IFT80: variants seen among roughly 807,000 people sequenced by gnomAD.
The protein encoded by IFT80 is intraflagellar transport protein 80 homolog.
Under a neutral mutation model 107.9 loss-of-function variants are expected in IFT80, and 79 were observed. That is an observed-to-expected ratio of 0.73 (90% CI 0.61 to 0.88). The LOEUF is 0.88. IFT80 is among the 40% of genes least tolerant of loss of function. The probability of loss-of-function intolerance (pLI) is 0.00; values close to 1 mark genes in which losing one functional copy is unlikely to be tolerated. For missense variants in IFT80, 797 were observed against 914.2 expected (o/e 0.87, Z 1.65); for synonymous variants, 299 against 300.9 (o/e 0.99, Z 0.07).
chr3:160,279,166 C>T (rs753630151), intron 16 of IFT80, 27 bp downstream of exon 16: 3 of 1,587,050 alleles, frequency 1.9e-6, no homozygotes, highest in African/African-American at 2.7e-5. Flanking sequence ...AATATATATA[C>T]AACTATGAAT....
intron 8 of IFT80, among the ~76,000 whole-genome samples, chr3:160,331,636 A>G (rs1398117450): frequency 6.6e-6 from 1 of 151,104 alleles, no homozygotes; most frequent in Non-Finnish European, 1.5e-5. Flanking sequence ...TAAGATCTTT[A>G]TGTTCTCTTT....
At chr3:160,302,175 A>G (rs1174582372) in intron 11 of IFT80, among the ~76,000 whole-genome samples, 1 of 152,048 alleles carries the variant, frequency 6.6e-6, no homozygotes, top group Admixed American at 6.6e-5. Flanking sequence ...TCCTTGATTC[A>G]GAACTGGTTC....
intron 2 of IFT80, chr3:160,383,864 C>T (rs952207644): frequency 1.0e-6 from 1 of 985,382 alleles, no homozygotes; most frequent in Non-Finnish European, 1.2e-6. Context: ...ACTTGTCCTT[C>T]ACTTTATCAT....
intron 8 of IFT80, among the ~76,000 whole-genome samples, chr3:160,346,732 C>A (rs1489430039): frequency 1.3e-5 from 2 of 151,262 alleles, no homozygotes; most frequent in African/African-American, 2.4e-5. Context: ...CCAGACAGAG[C>A]CAAAAAGAAA....
chr3:160,361,653 G>T (rs1489232321), intron 6 of IFT80, among the ~76,000 whole-genome samples: 1 of 152,132 alleles, frequency 6.6e-6, no homozygotes, highest in Non-Finnish European at 1.5e-5. Context: ...AAATGTAAAA[G>T]AACAGAAATC....
At chr3:160,380,534 C>G (rs1712397700) in intron 3 of IFT80, among the ~76,000 whole-genome samples, 1 of 152,124 alleles carries the variant, frequency 6.6e-6, no homozygotes, top group Non-Finnish European at 1.5e-5. Flanking sequence ...GCTTGATCTA[C>G]CCCTACAGCT....
chr3:160,357,202 T>C (rs532110583), intron 7 of IFT80, among the ~76,000 whole-genome samples: 41 of 152,248 alleles, frequency 2.7e-4, no homozygotes, highest in South Asian at 6.2e-4. Context: ...TGTGCTCAAG[T>C]GATCCACTCA....
In IFT80 at chr3:160,277,332, G is replaced by T. The variant is rs1441275758; in HGVS notation, c.2073C>A (p.Ile691=). ...QAGLVYQAIQ[I]NINLYNWERA... ...TTTCCCAGTTGTAGAGATTAATATT[G>T]ATCTGGATTGCTTGATAAACAAGGC... The change falls in exon 18 of 20, where the codon ATC becomes ATA. Residue 691 remains isoleucine, a synonymous_variant. Coordinates refer to ENST00000326448, the MANE Select transcript of IFT80 (RefSeq NM_020800.3). 6.2e-6 allele frequency: 10 copies of T among 1,612,938 alleles called. No homozygotes were observed. Among genetic ancestry groups the T allele is most frequent in the Non-Finnish European group, 8.5e-6 (10 of 1,179,790 alleles).
intron 11 of IFT80, among the ~76,000 whole-genome samples, chr3:160,303,690 G>A (rs192434869): frequency 3.3e-5 from 5 of 152,198 alleles, no homozygotes; most frequent in African/African-American, 1.2e-4. Context: ...ATATAACCCT[G>A]AATAATTTTC....
chr3:160,319,732 T>C (rs762907487), intron 9 of IFT80, 28 bp downstream of exon 9: 10 of 1,589,112 alleles, frequency 6.3e-6, no homozygotes, highest in Non-Finnish European at 8.6e-6. Flanking sequence ...AAGAAGCAGG[T>C]TTAATCAACC....
At chr3:160,322,006 ATTT>A (rs1718262158) in intron 8 of IFT80, among the ~76,000 whole-genome samples, 1 of 66,664 alleles carries the variant, frequency 1.5e-5, no homozygotes. Context: ...TCAGCTTGTT[ATTT>A]ATTTATTTAT....
intron 8 of IFT80, among the ~76,000 whole-genome samples, chr3:160,341,016 C>CT (rs11373101): frequency 0.52 from 78,027 of 149,460 alleles, 20,571 homozygotes; most frequent in African/African-American, 0.56. Context: ...TTTTTACTAC[C>CT]TTTTTTTTTT....
In IFT80 at chr3:160,384,243, C is replaced by CT. The variant is rs1553766976; in HGVS notation, c.37+320dup. On this transcript the variant is annotated intron_variant, in intron 2 of 19. Transcript: ENST00000326448. The stretch of plus-strand genomic sequence containing the variant: ...CCTGGGTGACAGAGTGAGACTCTGT[C>CT]TCAAAAAAAAAAAAAAAAAGCTTCT... 75 of 242,760 alleles carry CT rather than the reference C, an allele frequency of 3.1e-4. No individual in the cohort carries two copies. The East Asian group carries it at 0.014, about 46-fold the overall frequency. The allele number at this position is 242,760 out of a possible 1,614,324, so 15.0% of individuals were successfully genotyped here.
chr3:160,317,062 A>C (rs950370258), intron 9 of IFT80, among the ~76,000 whole-genome samples: 12 of 152,264 alleles, frequency 7.9e-5, no homozygotes, highest in African/African-American at 2.2e-4. Flanking sequence ...TTTATGAAAA[A>C]AACATTTTCA....
chr3:160,300,022 ACC>A (rs1716296354), intron 12 of IFT80, among the ~76,000 whole-genome samples: 1 of 151,828 alleles, frequency 6.6e-6, no homozygotes, highest in African/African-American at 2.4e-5. Flanking sequence ...GCTCATTTTG[ACC>A]CAGTCACATG....
rs189208409 is a variant in IFT80, at chr3:160,297,120, A to C, written c.1315+3763T>G. Among the ~76,000 whole-genome samples the C allele has an allele frequency of 1.2e-4, 19 of 152,280 alleles. No individual in the cohort carries two copies. In the East Asian group the frequency reaches 3.7e-3, roughly 29 times the overall value. On this transcript the variant is annotated intron_variant, in intron 12 of 19. Transcript: ENST00000326448. ...AAGTAGGTGAAGTTGTAAAAATTGC[A>C]GGAGATATTCTATTGAAGAAGCCTG...
intron 2 of IFT80, 106 bp downstream of exon 2, chr3:160,384,458 A>T: frequency 1.4e-6 from 2 of 1,382,860 alleles, no homozygotes; most frequent in Non-Finnish European, 1.9e-6. Flanking sequence ...CCACTAAAGG[A>T]ATGAAAAAAA....
chr3:160,348,308 C>T (rs1363671493), intron 8 of IFT80, among the ~76,000 whole-genome samples: 11 of 152,132 alleles, frequency 7.2e-5, no homozygotes, highest in Non-Finnish European at 1.3e-4. Flanking sequence ...AGTAGTTTAG[C>T]ATAGCTCTGA....
intron 8 of IFT80, among the ~76,000 whole-genome samples, chr3:160,326,937 G>T (rs1360245011): frequency 1.3e-5 from 2 of 152,066 alleles, no homozygotes; most frequent in Non-Finnish European, 2.9e-5. Context: ...TATCATCTCA[G>T]CCCAAAAGCT....
Sources: gnomAD v4.1 joint callset for allele counts (sites outside exome capture counted in the v4.1 genomes callset) on GRCh38, gnomAD v4.1.1 for gene constraint, MANE v1.5 for transcripts, NCBI Gene and HGNC (gene_info 2026-07-23, HGNC 2026-07-21) for gene names.